Variants in RASGEF1C observed in about 807,000 individuals in gnomAD.
RASGEF1C encodes ras-GEF domain-containing family member 1C.
In RASGEF1C, 27 loss-of-function variants were observed where a neutral mutation model predicts 58.1. The observed-to-expected ratio is 0.46, with a 90% CI of 0.34 to 0.64. The LOEUF is 0.64. Among genes scored for constraint, RASGEF1C ranks in the 30% least tolerant of loss-of-function variants. The probability of loss-of-function intolerance (pLI) is 0.01; values close to 1 mark genes in which losing one functional copy is unlikely to be tolerated. For synonymous variants in RASGEF1C, 243 were observed against 246.3 expected (o/e 0.99, Z 0.13); for missense variants, 502 against 605.1 (o/e 0.83, Z 1.79).
intron 1 of RASGEF1C, among the ~76,000 whole-genome samples, chr5:180,166,002 G>A (rs1489758557): frequency 6.6e-6 from 1 of 151,882 alleles, no homozygotes; most frequent in Non-Finnish European, 1.5e-5. Context: ...GCCCGCCTCG[G>A]CTTCCTAAAG....
rs1344707954 is a variant in RASGEF1C at position 180,152,522 on chromosome 5, A to G, written c.-6-14464T>C. Among the ~76,000 whole-genome samples, 279 of 132,398 alleles carry G rather than the reference A, an allele frequency of 2.1e-3. 3 individuals carry two copies. The highest frequency in any genetic ancestry group is 7.0e-3 in the African/African-American group (246 of 35,010). The allele number at this position is 132,398 out of a possible 152,430, so 86.9% of individuals were successfully genotyped here. A position where few individuals can be genotyped will look rare whatever the true frequency, so the allele number is the denominator to read the frequency against. On this transcript the variant is annotated intron_variant, in intron 1 of 13. Transcript: ENST00000361132. Reference sequence around the variant, plus strand: ...GGTGGGAATTGAACAATGAGAACACATGGACACAGGAAGGGGAACATCACA... The same window carrying G: ...GGTGGGAATTGAACAATGAGAACACGTGGACACAGGAAGGGGAACATCACA...
chr5:180,108,907 T>G (rs1295155152), intron 12 of RASGEF1C, among the ~76,000 whole-genome samples: 1 of 152,144 alleles, frequency 6.6e-6, no homozygotes, highest in African/African-American at 2.4e-5. Context: ...GAAGAGACAG[T>G]AAAAATGGAA....
At chr5:180,119,661 G>A (rs143887631) in intron 7 of RASGEF1C, among the ~76,000 whole-genome samples, 1,920 of 151,838 alleles carry the variant, frequency 0.013, 16 homozygotes, top group Non-Finnish European at 0.019. Context: ...GTGGGGGCAC[G>A]GGTACCCCCT....
chr5:180,204,229 T>C (rs1014949304), intron 1 of RASGEF1C, among the ~76,000 whole-genome samples: 1 of 152,262 alleles, frequency 6.6e-6, no homozygotes, highest in Admixed American at 6.5e-5. Flanking sequence ...TTATAAGCAA[T>C]GCTGTTATGA....
At chr5:180,142,887 G>A (rs1766603268) in intron 1 of RASGEF1C, among the ~76,000 whole-genome samples, 1 of 152,122 alleles carries the variant, frequency 6.6e-6, no homozygotes, top group African/African-American at 2.4e-5. Flanking sequence ...TGGTGAGGCT[G>A]GGGGCACGTG....
chr5:180,174,399 T>TGCGTCTGTGTGTGC (rs1257919915), intron 1 of RASGEF1C, among the ~76,000 whole-genome samples: 1 of 151,474 alleles, frequency 6.6e-6, no homozygotes, highest in Non-Finnish European at 1.5e-5. Context: ...TGCATGTGTG[T>TGCGTCTGTGTGTGC]GCGTCTGTGT....
chr5:180,169,092 G>A (rs995456946), intron 1 of RASGEF1C, among the ~76,000 whole-genome samples: 1 of 152,204 alleles, frequency 6.6e-6, no homozygotes, highest in Non-Finnish European at 1.5e-5. Flanking sequence ...CCAGAAAGCT[G>A]TTGTTTATGC....
chr5:180,157,665 T>C (rs1007755083), intron 1 of RASGEF1C, among the ~76,000 whole-genome samples: 2 of 149,582 alleles, frequency 1.3e-5, no homozygotes, highest in African/African-American at 2.5e-5. Flanking sequence ...TATCAAGCCA[T>C]GAAAAGACGT....
intron 11 of RASGEF1C, among the ~76,000 whole-genome samples, chr5:180,113,264 G>A (rs1193690111): frequency 1.2e-5 from 1 of 85,006 alleles, no homozygotes; most frequent in Non-Finnish European, 2.5e-5. Flanking sequence ...TGGACGGAGG[G>A]ACCGAGGATG....
At chr5:180,201,373 A>T (rs999612136) in intron 1 of RASGEF1C, among the ~76,000 whole-genome samples, 2 of 152,148 alleles carry the variant, frequency 1.3e-5, no homozygotes, top group African/African-American at 2.4e-5. Flanking sequence ...CTCAGAAAAC[A>T]CAAGTCCACT....
chr5:180,111,389 A>G, intron 12 of RASGEF1C, 68 bp downstream of exon 12: 1 of 1,608,216 alleles, frequency 6.2e-7, no homozygotes, highest in Non-Finnish European at 8.5e-7. Flanking sequence ...GGGGTCCTGA[A>G]TGGTGACTGA....
chr5:180,113,799 CCGAGGATGGAT>C (rs1268872971), intron 11 of RASGEF1C, among the ~76,000 whole-genome samples: 33 of 147,398 alleles, frequency 2.2e-4, no homozygotes, highest in African/African-American at 8.3e-4. Context: ...GATGGAGGGA[CCGAGGATGGAT>C]GGAGGGACCG....
intron 1 of RASGEF1C, among the ~76,000 whole-genome samples, chr5:180,171,802 T>G (rs967236492): frequency 1.3e-5 from 2 of 152,182 alleles, no homozygotes; most frequent in Non-Finnish European, 2.9e-5. Flanking sequence ...GGGAGTCAAT[T>G]CAAAGAGTGG....
chr5:180,166,557 C>T (rs1409977227), intron 1 of RASGEF1C, among the ~76,000 whole-genome samples: 1 of 151,532 alleles, frequency 6.6e-6, no homozygotes, highest in Non-Finnish European at 1.5e-5. Flanking sequence ...TGTTGTCACC[C>T]AGGCTAGAAG....
chr5:180,138,008 G>T lies in RASGEF1C; in HGVS notation c.45C>A (p.Ser15Arg). The T allele has an allele frequency of 6.4e-7, 1 of 1,560,950 alleles. No homozygotes were observed. The highest frequency in any genetic ancestry group is 8.6e-7 in the Non-Finnish European group (1 of 1,161,862). ...TGGGCTCGGTGGGGGGTGGGCTGAG[G>T]CTGCCTGGGGTGACCATGTCGGAGG... The part of the protein sequence containing the change: ...LSASDMVTPG[S>R]LSPPPTEPTD... The change falls in exon 2 of 14, where the codon AGC (serine) becomes AGA (arginine). Residue 15 changes from serine to arginine, a missense_variant. Physicochemically the swap from Ser to Arg is moderately radical, Grantham distance 110. Transcript: ENST00000361132.
rs1293885299 is a variant in RASGEF1C at position 180,137,114 on chromosome 5, AGC to A, written c.300+474_300+475del. Among the ~76,000 whole-genome samples, 16 of 152,158 alleles carry A rather than the reference AGC, an allele frequency of 1.1e-4. No homozygotes were observed. The highest frequency in any genetic ancestry group is 1.5e-4 in the Non-Finnish European group (10 of 68,024). On this transcript the variant is annotated intron_variant, in intron 3 of 13. Transcript: ENST00000361132. This position sits in a 1 kb window ranked among gnomAD's most constrained non-coding sequence, Gnocchi z 4.1. The stretch of plus-strand genomic sequence containing the variant: ...AGTGCTGTGGTGTGAGGCCCGAGCC[AGC>A]GGTCCCTGAGATAGGGCAGGTACAC...
At chr5:180,125,156 C>A (rs538437898) in intron 6 of RASGEF1C, among the ~76,000 whole-genome samples, 23 of 152,112 alleles carry the variant, frequency 1.5e-4, no homozygotes, top group East Asian at 1.2e-3. Flanking sequence ...ACAACAACAA[C>A]AAAAAACCCA....
At chr5:180,130,868 T>A (rs1170030012) in intron 4 of RASGEF1C, among the ~76,000 whole-genome samples, 1 of 152,110 alleles carries the variant, frequency 6.6e-6, no homozygotes, top group Non-Finnish European at 1.5e-5. Context: ...GGTCCTCTGT[T>A]TGCCCAGCAC....
chr5:180,154,106 G>A (rs951083496), intron 1 of RASGEF1C, among the ~76,000 whole-genome samples: 11 of 152,166 alleles, frequency 7.2e-5, no homozygotes, highest in African/African-American at 2.4e-5. Flanking sequence ...TCTGTGAAGG[G>A]CGCCCAGAAG....
Sources: allele counts gnomAD v4.1 joint callset (sites outside exome capture counted in the v4.1 genomes callset), GRCh38; gene constraint gnomAD v4.1.1; non-coding constraint Gnocchi (gnomAD v3.1); transcripts MANE v1.5; gene names NCBI Gene and HGNC (gene_info 2026-07-23, HGNC 2026-07-21).